TRHDE: variants seen among roughly 807,000 people sequenced by gnomAD.
TRHDE encodes the protein thyrotropin-releasing hormone-degrading ectoenzyme.
In TRHDE, 72 loss-of-function variants were observed where a neutral mutation model predicts 125.7. That is an observed-to-expected ratio of 0.57 (90% CI 0.47 to 0.70). TRHDE has a LOEUF of 0.70. Ranked by LOEUF, TRHDE falls within the 30% of genes least tolerant of loss-of-function variation. TRHDE has a pLI of 0.00. For synonymous variants in TRHDE, 509 were observed against 509.1 expected (o/e 1.00, Z 0.00); for missense variants, 1,110 against 1,327.1 (o/e 0.84, Z 2.54).
At chr12:72,245,112 C>T (rs554333822) in intron 2 of TRHDE, among the ~76,000 whole-genome samples, 2 of 152,152 alleles carry the variant, frequency 1.3e-5, no homozygotes, top group African/African-American at 4.8e-5. Flanking sequence ...ATATAAATTT[C>T]TCTTGAAGAA....
intron 2 of TRHDE, among the ~76,000 whole-genome samples, chr12:72,163,461 A>G (rs1022151919): frequency 1.1e-4 from 16 of 152,200 alleles, no homozygotes; most frequent in Admixed American, 9.2e-4. Flanking sequence ...GCCTTAGGGG[A>G]AAAGGTTTTT....
intron 6 of TRHDE, among the ~76,000 whole-genome samples, chr12:72,508,702 G>A (rs1878456850): frequency 6.6e-6 from 1 of 152,150 alleles, no homozygotes; most frequent in Non-Finnish European, 1.5e-5. Flanking sequence ...GGACTGCTGG[G>A]AAAGCATGAT....
chr12:72,248,506 C>CCTAA (rs71071821), intron 2 of TRHDE, among the ~76,000 whole-genome samples: 116,764 of 150,970 alleles, frequency 0.77, 45,947 homozygotes, highest in Non-Finnish European at 0.86. Flanking sequence ...AAATGCTTTT[C>CCTAA]CTGATTGTGA....
rs1265214331 is a variant in TRHDE, at chr12:72,376,443, G to C, written c.1189-1552G>C. Among the ~76,000 whole-genome samples, 32 of 152,156 alleles carry C rather than the reference G, an allele frequency of 2.1e-4. 1 individual carries two copies. The stretch of plus-strand genomic sequence containing the variant: ...ACCACTACCTTCTTAAGAGTGTCAA[G>C]TTCTGCTGTTGCAGGTAGTCTCTCC... On this transcript the variant is annotated intron_variant, in intron 2 of 18. Transcript: ENST00000261180.
At chr12:72,398,275 A>C (rs1279389919) in intron 3 of TRHDE, among the ~76,000 whole-genome samples, 2 of 152,128 alleles carry the variant, frequency 1.3e-5, no homozygotes, top group Non-Finnish European at 2.9e-5. Flanking sequence ...GCTATTGTGA[A>C]TAATGCTGCA....
At chr12:72,385,814 C>T (rs1872386940) in intron 3 of TRHDE, among the ~76,000 whole-genome samples, 1 of 151,976 alleles carries the variant, frequency 6.6e-6, no homozygotes, top group East Asian at 1.9e-4. Flanking sequence ...TTATGATGTT[C>T]AACCACTAAT....
intron 7 of TRHDE, among the ~76,000 whole-genome samples, chr12:72,558,953 G>A (rs1250279254): frequency 6.6e-6 from 1 of 151,970 alleles, no homozygotes; most frequent in Non-Finnish European, 1.5e-5. Context: ...GCACAGGCAT[G>A]GGGTTTGGAT....
At chr12:72,661,822 C>A (rs1462921640) in intron 18 of TRHDE, among the ~76,000 whole-genome samples, 3 of 152,090 alleles carry the variant, frequency 2.0e-5, no homozygotes, top group Admixed American at 6.6e-5. Flanking sequence ...CTTTGTTATA[C>A]ATTGGCTATT....
chr12:72,250,914 C>T (rs1878670708), intron 2 of TRHDE, among the ~76,000 whole-genome samples: 3 of 146,968 alleles, frequency 2.0e-5, no homozygotes, highest in Non-Finnish European at 3.0e-5. Context: ...CAGATTATCT[C>T]AGTTCTCCAC....
chr12:72,390,995 T>A (rs1269566925), intron 3 of TRHDE, among the ~76,000 whole-genome samples: 1 of 152,124 alleles, frequency 6.6e-6, no homozygotes, highest in Non-Finnish European at 1.5e-5. Flanking sequence ...TGGATGATTA[T>A]TGAGAGATTA....
At chr12:72,117,799 T>C (rs2139299310) in intron 2 of TRHDE, among the ~76,000 whole-genome samples, 2 of 152,208 alleles carry the variant, frequency 1.3e-5, no homozygotes, top group Middle Eastern at 3.4e-3. Flanking sequence ...ACTTCTTTTG[T>C]TAATTCCTAG....
At chr12:72,143,497 CTGTT>C (rs890791494) in intron 2 of TRHDE, among the ~76,000 whole-genome samples, 1 of 151,732 alleles carries the variant, frequency 6.6e-6, no homozygotes, top group African/African-American at 2.4e-5. Context: ...TCTAGGATGT[CTGTT>C]AGATTTGGGG....
chr12:72,190,186 A>G (rs1197910688), intron 2 of TRHDE, among the ~76,000 whole-genome samples: 2 of 152,126 alleles, frequency 1.3e-5, no homozygotes, highest in African/African-American at 4.8e-5. Flanking sequence ...TCACTAATAA[A>G]TTGTAAAAGC....
chr12:72,232,223 C>G (rs947236883), intron 2 of TRHDE, among the ~76,000 whole-genome samples: 1 of 152,190 alleles, frequency 6.6e-6, no homozygotes, highest in Non-Finnish European at 1.5e-5. Flanking sequence ...AGAGACTTTA[C>G]TGTGCTTCTC....
intron 3 of TRHDE, among the ~76,000 whole-genome samples, chr12:72,382,546 C>T (rs770164914): frequency 1.3e-5 from 2 of 152,084 alleles, no homozygotes; most frequent in Non-Finnish European, 2.9e-5. Context: ...AAATCATGTC[C>T]AGGGAGGTGT....
intron 6 of TRHDE, among the ~76,000 whole-genome samples, chr12:72,518,608 G>T (rs1420977809): frequency 2.0e-5 from 3 of 152,020 alleles, no homozygotes; most frequent in Non-Finnish European, 2.9e-5. Context: ...CAATTTCCCA[G>T]TCTGTGTCTT....
chr12:72,514,505 C>T (rs986967807), intron 6 of TRHDE, among the ~76,000 whole-genome samples: 2 of 151,730 alleles, frequency 1.3e-5, no homozygotes, highest in Non-Finnish European at 2.9e-5. Flanking sequence ...AGAATTATAA[C>T]CTAAATGGTA....
intron 2 of TRHDE, among the ~76,000 whole-genome samples, chr12:72,215,035 A>G (rs926126983): frequency 4.6e-5 from 7 of 152,188 alleles, no homozygotes; most frequent in Non-Finnish European, 1.0e-4. Flanking sequence ...AGAGACCACG[A>G]AACAGGCTTT....
At chr12:72,513,123 AC>A (rs1878680045) in intron 6 of TRHDE, among the ~76,000 whole-genome samples, 1 of 152,118 alleles carries the variant, frequency 6.6e-6, no homozygotes, top group Non-Finnish European at 1.5e-5. Context: ...GCATTAGTAC[AC>A]CGTTGTTTTT....
Sources: gnomAD v4.1 joint callset for allele counts (sites outside exome capture counted in the v4.1 genomes callset) on GRCh38, gnomAD v4.1.1 for gene constraint, MANE v1.5 for transcripts, NCBI Gene and HGNC (gene_info 2026-07-23, HGNC 2026-07-21) for gene names.